The following CLCC1 variants were observed in gnomAD, a reference collection of about 807,000 sequenced individuals.
CLCC1 encodes chloride channel CLIC like 1, also known as chloride channel CLIC-like protein 1.
CLCC1 carries 39 observed loss-of-function variants against 63.3 expected under a neutral mutation model. That is an observed-to-expected ratio of 0.62 (90% confidence interval 0.48 to 0.81). The LOEUF is 0.81. Among genes scored for constraint, CLCC1 ranks in the 30% least tolerant of loss-of-function variants. The pLI is 0.00. For missense variants in CLCC1, 549 were observed against 669.4 expected (o/e 0.82, Z 1.98); for synonymous variants, 217 against 239.8 (o/e 0.90, Z 0.88).
At chr1:108,961,284 T>A (rs200329247) in intron 2 of CLCC1, among the ~76,000 whole-genome samples, 17 of 133,946 alleles carry the variant, frequency 1.3e-4, no homozygotes, top group East Asian at 2.3e-4. Context: ...AAGAGTTTGT[T>A]AAAAAAAAAA....
chr1:108,941,638 A>AT (rs1491384859), intron 7 of CLCC1, 140 bp from the exon 8 acceptor site: 3 of 469,840 alleles, frequency 6.4e-6, no homozygotes, highest in East Asian at 6.8e-5. Flanking sequence ...AAAAAAAAAC[A>AT]TATTATTATT....
rs1166012131 is a variant in CLCC1 at position 108,947,667 on chromosome 1, G to A, written c.283C>T (p.Pro95Ser). The A allele has an allele frequency of 1.2e-6, 2 of 1,612,080 alleles. 1 individual carries two copies. The highest frequency in any genetic ancestry group is 2.2e-5 in the South Asian group (2 of 90,490). The change falls in exon 5 of 13, where the codon CCT becomes TCT. Residue 95 changes from proline to serine, a missense_variant. Coordinates refer to ENST00000369969, the MANE Select transcript of CLCC1 (RefSeq NM_001377458.1). ...TTATTTAAGTATCTCCTAAAAACAG[G>A]ATTGCTTTGACTTTCATAGTCTTCC... is the stretch of plus-strand genomic sequence containing the variant. ...KREDYESQSN[P>S]VFRRYLNKIL...
chr1:108,931,565 T>C lies in CLCC1; in HGVS notation c.*982A>G. 1 of 1,474,446 alleles carries C rather than the reference T, an allele frequency of 6.8e-7. No individual in the cohort carries two copies. Among genetic ancestry groups the C allele is most frequent in the African/African-American group, 1.4e-5 (1 of 70,226 alleles). 91.3% of individuals were successfully genotyped at this position (1,474,446 alleles called of 1,614,324 possible). A position where few individuals can be genotyped will look rare whatever the true frequency, so the allele number is the denominator to read the frequency against. On this transcript the variant is annotated 3_prime_UTR_variant, in exon 13 of 13. Coordinates refer to ENST00000369969, the MANE Select transcript of CLCC1 (RefSeq NM_001377458.1). ...GATTTGGATGGGCAAATAGAACTATTTCTCTAATGGCCAATGTTTTTTAAG... is the reference window on the plus strand; with the variant it reads ...GATTTGGATGGGCAAATAGAACTATCTCTCTAATGGCCAATGTTTTTTAAG...
intron 11 of CLCC1, 31 bp from the exon 12 acceptor site, chr1:108,934,973 T>G: frequency 2.6e-6 from 4 of 1,556,626 alleles, no homozygotes; most frequent in Non-Finnish European, 3.5e-6. Flanking sequence ...TTTTAACTGT[T>G]TAATGTAATG....
At chr1:108,937,798 T>G (rs1653238192) in intron 10 of CLCC1, among the ~76,000 whole-genome samples, 1 of 152,268 alleles carries the variant, frequency 6.6e-6, no homozygotes, top group African/African-American at 2.4e-5. Context: ...TATATCATTA[T>G]GTAAACAATC....
rs1654163033 is a variant in CLCC1 at position 108,943,795 on chromosome 1, G to A, written c.561+41C>T. On this transcript the variant is annotated intron_variant, in intron 6 of 12. Transcript: ENST00000369969. ...TGGAGTTTGGAAAGTATTTTAAAAAGGAAACTTAATGACGTTGCCCTTGCC... is the reference window on the plus strand; with the variant it reads ...TGGAGTTTGGAAAGTATTTTAAAAAAGAAACTTAATGACGTTGCCCTTGCC... 3.3e-6 allele frequency: 5 copies of A among 1,520,552 alleles called. No homozygotes were observed. In the South Asian group the frequency reaches 5.9e-5, roughly 18 times the overall value. 94.2% of individuals were successfully genotyped at this position (1,520,552 alleles called of 1,614,324 possible).
chr1:108,953,262 G>A (rs779353433), intron 2 of CLCC1, among the ~76,000 whole-genome samples: 4 of 152,204 alleles, frequency 2.6e-5, no homozygotes, highest in Non-Finnish European at 5.9e-5. Flanking sequence ...CATGTGCCCT[G>A]TATATTCTTC....
At position 108,939,544 on chromosome 1, in the gene CLCC1, C is replaced by T. The variant is rs908039246; in HGVS notation, c.1041+92G>A. ...CAGGATGGTCTCGATCTCCTGACCT[C>T]GTGATCCGCCCGCCTAGGCCTCCCA... On this transcript the variant is annotated intron_variant, in intron 10 of 12. Coordinates refer to ENST00000369969, the MANE Select transcript of CLCC1 (RefSeq NM_001377458.1). 65 of 1,114,300 alleles carry T rather than the reference C, an allele frequency of 5.8e-5. 2 individuals carry two copies. In the South Asian group the frequency reaches 8.1e-4, roughly 14 times the overall value. The allele number at this position is 1,114,300 out of a possible 1,614,324, so 69.0% of individuals were successfully genotyped here.
chr1:108,932,623 G>A (rs1447541777), intron 12 of CLCC1, 122 bp from the exon 13 acceptor site: 2 of 152,216 alleles, frequency 1.3e-5, no homozygotes, highest in Non-Finnish European at 2.9e-5. Context: ...ATCACCTGGG[G>A]CATTCACTAC....
intron 7 of CLCC1, among the ~76,000 whole-genome samples, chr1:108,942,619 T>C (rs567477975): frequency 1.6e-4 from 24 of 152,300 alleles, no homozygotes; most frequent in Middle Eastern, 3.4e-3. Flanking sequence ...CCAATTTCTA[T>C]ATACAGTATG....
intron 2 of CLCC1, among the ~76,000 whole-genome samples, chr1:108,958,330 T>C (rs1656174963): frequency 6.6e-6 from 1 of 151,524 alleles, no homozygotes; most frequent in Middle Eastern, 3.2e-3. Context: ...TATGCACAGC[T>C]CTGGATAGTG....
intron 8 of CLCC1, 57 bp from the exon 9 acceptor site, chr1:108,940,199 C>G (rs887761511): frequency 8.0e-7 from 1 of 1,244,512 alleles, no homozygotes; most frequent in South Asian, 1.4e-5. Flanking sequence ...CATTTCATTC[C>G]CAAACAAGAC....
In CLCC1 at chr1:108,929,758, A is replaced by T; in HGVS notation, c.*2789T>A. 6.2e-7 allele frequency: 1 copy of T among 1,613,320 alleles called. No homozygotes were observed. The highest frequency in any genetic ancestry group is 8.5e-7 in the Non-Finnish European group (1 of 1,179,264). ...ACCACCTGCTACCACAAAGGGTCCG[A>T]CAGTACCAGATGAAGACTTTTTCAG... On this transcript the variant is annotated 3_prime_UTR_variant, in exon 13 of 13. Transcript: ENST00000369969.
intron 2 of CLCC1, among the ~76,000 whole-genome samples, chr1:108,952,525 G>A (rs373849154): frequency 2.5e-4 from 23 of 91,586 alleles, no homozygotes; most frequent in African/African-American, 7.4e-4. Flanking sequence ...ACTGCCAGGT[G>A]CAGTGCCTCA....
Position 108,949,937 on chromosome 1 carries a change from G to C in CLCC1, c.130-16C>G, listed in dbSNP as rs1425738401. The C allele has an allele frequency of 1.4e-6, 2 of 1,454,466 alleles. No homozygotes were observed. Among genetic ancestry groups the C allele is most frequent in the Non-Finnish European group, 1.9e-6 (2 of 1,053,088 alleles). The allele number at this position is 1,454,466 out of a possible 1,614,324, so 90.1% of individuals were successfully genotyped here. A position where few individuals can be genotyped will look rare whatever the true frequency, so the allele number is the denominator to read the frequency against. On this transcript the variant is annotated splice_polypyrimidine_tract_variant and intron_variant, in intron 3 of 12. Coordinates refer to ENST00000369969, the MANE Select transcript of CLCC1 (RefSeq NM_001377458.1). ...CATATTTTGCCTAAAACAGAGTATA[G>C]AAACATTTTATTTCTTTATAGTTTA...
At chr1:108,948,002 G>C (rs1654757638) in intron 4 of CLCC1, among the ~76,000 whole-genome samples, 1 of 152,206 alleles carries the variant, frequency 6.6e-6, no homozygotes, top group African/African-American at 2.4e-5. Flanking sequence ...AAAGGAGGCA[G>C]AGATCCACAA....
intron 2 of CLCC1, among the ~76,000 whole-genome samples, chr1:108,953,092 G>A (rs759684653): frequency 6.6e-5 from 10 of 152,076 alleles, no homozygotes; most frequent in Non-Finnish European, 1.0e-4. Flanking sequence ...TTTTATCATC[G>A]AAGAAAGTTC....
At position 108,937,431 on chromosome 1, in the gene CLCC1, G is replaced by C. The variant is rs763152414; in HGVS notation, c.1042-13C>G. 3 of 1,548,780 alleles carry C rather than the reference G, an allele frequency of 1.9e-6. No homozygotes were observed. The African/African-American group carries it at 4.1e-5, about 21-fold the overall frequency. On this transcript the variant is annotated splice_polypyrimidine_tract_variant and intron_variant, in intron 10 of 12. Transcript: ENST00000369969. ...CATAGCAGAAACTCTGTAAGGAAAA[G>C]AAATACATTTTCCTGAGGACTCAAT...
Position 108,929,688 on chromosome 1 carries a change from CAT to C in CLCC1, c.*2857_*2858del, listed in dbSNP as rs1651563817. ...CCACAGTATGTCTTTTAATCTCTCT[CAT>C]AAACTTCTAGGGATCCAGATTAGAT... On this transcript the variant is annotated 3_prime_UTR_variant, in exon 13 of 13. Transcript: ENST00000369969. 1 of 1,611,942 alleles carries C rather than the reference CAT, an allele frequency of 6.2e-7. No homozygotes were observed. The highest frequency in any genetic ancestry group is 1.7e-5 in the Admixed American group (1 of 59,994).
Sources: allele counts gnomAD v4.1 joint callset (sites outside exome capture counted in the v4.1 genomes callset), GRCh38; gene constraint gnomAD v4.1.1; transcripts MANE v1.5; gene names NCBI Gene and HGNC (gene_info 2026-07-23, HGNC 2026-07-21).